Variants in PCSK5 observed in about 807,000 individuals in gnomAD.
The protein encoded by PCSK5 is proprotein convertase subtilisin/kexin type 5.
PCSK5 carries 129 observed loss-of-function variants against 233.2 expected under a neutral mutation model. The ratio of observed to expected loss-of-function variants is 0.55; its 90% CI spans 0.48 to 0.64. PCSK5 has a LOEUF of 0.64. Among genes scored for constraint, PCSK5 ranks in the 30% least tolerant of loss-of-function variants. PCSK5 has a pLI of 0.00. For missense variants in PCSK5, 2,076 were observed against 2,430.1 expected (o/e 0.85, Z 3.06); for synonymous variants, 825 against 879.2 (o/e 0.94, Z 1.09).
rs1587537308 is a variant in PCSK5, at chr9:76,040,381, C to G, written c.632+13344C>G. On this transcript the variant is annotated intron_variant, in intron 5 of 37. Transcript: ENST00000674117. ...TCTCTCTCTCTCTCTCTCTCTCTCTCTCTGTCTCTCTCTCTCTCTCTCTCT... is the reference window on the plus strand; with the variant it reads ...TCTCTCTCTCTCTCTCTCTCTCTCTGTCTGTCTCTCTCTCTCTCTCTCTCT... Among the ~76,000 whole-genome samples, 115 of 59,492 alleles carry G rather than the reference C, an allele frequency of 1.9e-3. 1 individual carries two copies. Among genetic ancestry groups the G allele is most frequent in the Admixed American group, 0.012 (66 of 5,566 alleles). The allele number at this position is 59,492 out of a possible 152,430, so 39.0% of individuals were successfully genotyped here.
At chr9:76,298,017 T>A (rs1038490155) in intron 27 of PCSK5, among the ~76,000 whole-genome samples, 4 of 152,148 alleles carry the variant, frequency 2.6e-5, no homozygotes, top group African/African-American at 7.2e-5. Flanking sequence ...CTTCTGTGAG[T>A]TATAGCTGAA....
intron 34 of PCSK5, 138 bp downstream of exon 34, chr9:76,332,748 G>T (rs1829572521): frequency 1.5e-6 from 1 of 646,262 alleles, no homozygotes; most frequent in Non-Finnish European, 2.7e-6. Context: ...GAGCAAAGAT[G>T]AACCAATTCA....
At chr9:76,112,715 T>G (rs1338511609) in intron 9 of PCSK5, among the ~76,000 whole-genome samples, 4 of 152,174 alleles carry the variant, frequency 2.6e-5, no homozygotes, top group Non-Finnish European at 5.9e-5. Context: ...CAAATATGTA[T>G]AAAATATTAT....
At position 76,220,526 on chromosome 9, in the gene PCSK5, CAA is replaced by C. The variant is rs57063521; in HGVS notation, c.2627-6957_2627-6956del. ...TGGGCGACCGAGCAAGACTCTGTCT[CAA>C]AAAAAAAAAAAAAAAAAAATCACAC... On this transcript the variant is annotated intron_variant, in intron 20 of 37. Transcript: ENST00000674117. 1.6e-3 allele frequency among the ~76,000 whole-genome samples: 160 copies of C among 100,502 alleles called. 2 individuals carry two copies. In the Middle Eastern group the frequency reaches 0.028, roughly 18 times the overall value. The allele number at this position is 100,502 out of a possible 152,430, so 65.9% of individuals were successfully genotyped here.
intron 24 of PCSK5, among the ~76,000 whole-genome samples, chr9:76,251,964 G>A (rs1826821391): frequency 6.6e-6 from 1 of 151,128 alleles, no homozygotes; most frequent in South Asian, 2.1e-4. Context: ...ATGCTTTTTT[G>A]CAATTATAAA....
rs115297565 is a variant in PCSK5, at chr9:76,287,798, T to A, written c.3143-4435T>A. 1,403 of 209,128 alleles carry A rather than the reference T, an allele frequency of 6.7e-3. 15 individuals carry two copies. The highest frequency in any genetic ancestry group is 0.054 in the East Asian group (476 of 8,756). The allele number at this position is 209,128 out of a possible 1,614,324, so 13.0% of individuals were successfully genotyped here. ...TAAAGACAACGCAGCATCACAAACC[T>A]AGGTGGGCAGGCCATGCTCCAGGTC... On this transcript the variant is annotated intron_variant, in intron 24 of 37. Transcript: ENST00000674117.
At chr9:76,012,383 A>G (rs1007501416) in intron 3 of PCSK5, among the ~76,000 whole-genome samples, 25 of 152,212 alleles carry the variant, frequency 1.6e-4, no homozygotes, top group Admixed American at 3.3e-4. Flanking sequence ...CAAGCCTTCA[A>G]ATGGCTTTAT....
intron 10 of PCSK5, among the ~76,000 whole-genome samples, chr9:76,144,962 C>T (rs1047287313): frequency 3.9e-5 from 6 of 152,064 alleles, no homozygotes; most frequent in African/African-American, 1.4e-4. Context: ...CCCATCTCTA[C>T]TAAAAATAAA....
chr9:76,334,557 C>T (rs1829625255), intron 34 of PCSK5, among the ~76,000 whole-genome samples: 1 of 152,016 alleles, frequency 6.6e-6, no homozygotes, highest in South Asian at 2.1e-4. Flanking sequence ...AGGGTGAAAC[C>T]CCATCTCTAC....
intron 2 of PCSK5, among the ~76,000 whole-genome samples, chr9:75,932,808 T>A (rs955180344): frequency 2.0e-5 from 3 of 152,106 alleles, no homozygotes; most frequent in Non-Finnish European, 2.9e-5. Context: ...TACCATACTG[T>A]CTACCTATTT....
In PCSK5 at chr9:76,075,236, T is replaced by C. The variant is rs185527154; in HGVS notation, c.894+3338T>C. Among the ~76,000 whole-genome samples, 608 of 151,708 alleles carry C rather than the reference T, an allele frequency of 4.0e-3. 3 individuals are homozygous for C. The highest frequency in any genetic ancestry group is 0.014 in the African/African-American group (573 of 41,340). Reference sequence around the variant, plus strand: ...CTCCGTCTCAATAAAATAATAATAATAATAATAATAATATGATGCAAGTCA... The same window carrying C: ...CTCCGTCTCAATAAAATAATAATAACAATAATAATAATATGATGCAAGTCA... On this transcript the variant is annotated intron_variant, in intron 7 of 37. Coordinates refer to ENST00000674117, the MANE Select transcript of PCSK5 (RefSeq NM_001372043.1).
chr9:76,051,235 G>A (rs1829619148), intron 5 of PCSK5, among the ~76,000 whole-genome samples: 1 of 152,154 alleles, frequency 6.6e-6, no homozygotes, highest in Non-Finnish European at 1.5e-5. Flanking sequence ...GGAGACCAGA[G>A]CTAGAAAGTT....
chr9:76,211,718 C>A (rs1016459486), intron 20 of PCSK5, among the ~76,000 whole-genome samples: 1 of 152,192 alleles, frequency 6.6e-6, no homozygotes, highest in South Asian at 2.1e-4. Context: ...CATGGCGGTG[C>A]ACGCCTGTGG....
intron 35 of PCSK5, among the ~76,000 whole-genome samples, chr9:76,345,012 G>A (rs1053008793): frequency 4.6e-5 from 7 of 152,064 alleles, no homozygotes; most frequent in Admixed American, 1.3e-4. Flanking sequence ...GGGGGTATAT[G>A]TGCAGGTTTG....
intron 20 of PCSK5, among the ~76,000 whole-genome samples, chr9:76,203,217 T>C (rs1290383647): frequency 6.6e-6 from 1 of 151,970 alleles, no homozygotes; most frequent in Non-Finnish European, 1.5e-5. Flanking sequence ...TGCAAAACCA[T>C]TGGCACAAAC....
At chr9:75,892,734 G>C (rs1359360501) in intron 1 of PCSK5, among the ~76,000 whole-genome samples, 2 of 152,224 alleles carry the variant, frequency 1.3e-5, no homozygotes, top group Non-Finnish European at 2.9e-5. Context: ...TGCTGTCGCC[G>C]CGTTTAGAAG....
At chr9:76,059,825 C>T (rs557654507) in intron 5 of PCSK5, among the ~76,000 whole-genome samples, 2 of 151,774 alleles carry the variant, frequency 1.3e-5, no homozygotes, top group South Asian at 2.1e-4. Flanking sequence ...GATAAAAAAA[C>T]GTCAAATAGA....
chr9:76,110,638 G>A (rs1368342095), intron 9 of PCSK5, among the ~76,000 whole-genome samples: 2 of 151,998 alleles, frequency 1.3e-5, no homozygotes, highest in East Asian at 3.9e-4. Flanking sequence ...CAAGGCTGCA[G>A]TGAGCTATGA....
chr9:76,015,409 C>G (rs1166987731), intron 3 of PCSK5, among the ~76,000 whole-genome samples: 1 of 152,128 alleles, frequency 6.6e-6, no homozygotes, highest in Non-Finnish European at 1.5e-5. Flanking sequence ...TTAACCCAGT[C>G]AAGTAACACA....
Sources: allele counts gnomAD v4.1 joint callset (sites outside exome capture counted in the v4.1 genomes callset), GRCh38; gene constraint gnomAD v4.1.1; transcripts MANE v1.5; gene names NCBI Gene and HGNC (gene_info 2026-07-23, HGNC 2026-07-21).